The following NCAM2 variants were observed in gnomAD, a reference collection of about 807,000 sequenced individuals.
NCAM2 encodes neural cell adhesion molecule 2, also known as N-CAM-2.
In NCAM2, 30 loss-of-function variants were observed where a neutral mutation model predicts 98.1. The ratio of observed to expected loss-of-function variants is 0.31; its 90% CI spans 0.23 to 0.41. The LOEUF (loss-of-function observed/expected upper bound fraction) is 0.41, where lower values mean the gene tolerates loss of function less well. NCAM2 is among the 10% of genes least tolerant of loss of function. The probability of loss-of-function intolerance (pLI) is 1.00; values close to 1 mark genes in which losing one functional copy is unlikely to be tolerated. For synonymous variants in NCAM2, 368 were observed against 342.4 expected (o/e 1.07, Z -0.83); for missense variants, 867 against 1,005.8 (o/e 0.86, Z 1.87).
intron 12 of NCAM2, among the ~76,000 whole-genome samples, chr21:21,458,873 C>T (rs948158823): frequency 3.3e-5 from 5 of 151,998 alleles, no homozygotes; most frequent in East Asian, 1.9e-4. Context: ...GAAAAACTTC[C>T]GCACATAAAA....
At chr21:21,252,352 A>T (rs2071505626) in intron 1 of NCAM2, among the ~76,000 whole-genome samples, 1 of 150,580 alleles carries the variant, frequency 6.6e-6, no homozygotes, top group Non-Finnish European at 1.5e-5. Context: ...CTTAAAATAT[A>T]ATCTTTATTA....
chr21:21,099,524 A>G (rs2066194909), intron 1 of NCAM2, among the ~76,000 whole-genome samples: 1 of 151,906 alleles, frequency 6.6e-6, no homozygotes, highest in African/African-American at 2.4e-5. Flanking sequence ...AGCTCCTTAT[A>G]AAACCATCAG....
At chr21:21,347,190 C>T (rs1427704938) in intron 8 of NCAM2, among the ~76,000 whole-genome samples, 1 of 151,646 alleles carries the variant, frequency 6.6e-6, no homozygotes, top group Non-Finnish European at 1.5e-5. Context: ...ACATTACAAC[C>T]AATACTGATG....
intron 16 of NCAM2, among the ~76,000 whole-genome samples, chr21:21,520,146 T>C (rs1034755039): frequency 6.6e-6 from 1 of 152,142 alleles, no homozygotes; most frequent in African/African-American, 2.4e-5. Context: ...TAAGCATTAA[T>C]ATTAAAAATA....
At chr21:21,155,590 A>T (rs534867334) in intron 1 of NCAM2, among the ~76,000 whole-genome samples, 12 of 152,000 alleles carry the variant, frequency 7.9e-5, no homozygotes, top group African/African-American at 2.9e-4. Flanking sequence ...TTAATGTTAT[A>T]ATGTAATCTT....
rs552479814 is a variant in NCAM2, at chr21:21,539,587, T to A, written c.*1630T>A. Reference sequence around the variant, plus strand: ...AGCCAAGGAGAGAAAACTAAGTACTTTTATATAATTCATCACTTTTCTGGC... The same window carrying A: ...AGCCAAGGAGAGAAAACTAAGTACTATTATATAATTCATCACTTTTCTGGC... On this transcript the variant is annotated 3_prime_UTR_variant, in exon 18 of 18. Coordinates refer to ENST00000400546, the MANE Select transcript of NCAM2 (RefSeq NM_004540.5). The A allele has an allele frequency of 1.3e-5, 2 of 152,262 alleles. No individual in the cohort carries two copies. Among genetic ancestry groups the A allele is most frequent in the South Asian group, 4.1e-4 (2 of 4,826 alleles). 9.4% of individuals were successfully genotyped at this position (152,262 alleles called of 1,614,324 possible).
At chr21:21,072,987 C>T (rs2065604224) in intron 1 of NCAM2, among the ~76,000 whole-genome samples, 1 of 143,866 alleles carries the variant, frequency 7.0e-6, no homozygotes, top group Admixed American at 6.9e-5. Flanking sequence ...CAATTCCCTC[C>T]TACCTCCAGT....
At position 21,105,261 on chromosome 21, in the gene NCAM2, A is replaced by G. The variant is rs372438229; in HGVS notation, c.55+106643A>G. On this transcript the variant is annotated intron_variant, in intron 1 of 17. Transcript: ENST00000400546. ...ATAGTAGGATTTGAATGCTGTTTAA[A>G]TTAATGGGTAGTAATCTGAAATTAT... is the stretch of plus-strand genomic sequence containing the variant. 1.8e-4 allele frequency among the ~76,000 whole-genome samples: 27 copies of G among 152,286 alleles called. 1 individual carries two copies. The East Asian group carries it at 4.1e-3, about 23-fold the overall frequency.
At chr21:21,216,980 T>G (rs536125402) in intron 1 of NCAM2, among the ~76,000 whole-genome samples, 1 of 152,158 alleles carries the variant, frequency 6.6e-6, no homozygotes, top group Non-Finnish European at 1.5e-5. Flanking sequence ...GTGATTATCT[T>G]TGGCAATCAT....
At chr21:21,390,810 T>C (rs1298136846) in intron 9 of NCAM2, among the ~76,000 whole-genome samples, 1 of 152,228 alleles carries the variant, frequency 6.6e-6, no homozygotes, top group Admixed American at 6.5e-5. Flanking sequence ...AGGTATAATG[T>C]AAAATTGTGC....
chr21:21,203,607 C>G (rs947562940), intron 1 of NCAM2, among the ~76,000 whole-genome samples: 3 of 152,150 alleles, frequency 2.0e-5, no homozygotes, highest in South Asian at 4.1e-4. Context: ...GAATCTATTG[C>G]ATTTCCTAAT....
intron 1 of NCAM2, among the ~76,000 whole-genome samples, chr21:21,083,672 C>A (rs1184028005): frequency 1.3e-5 from 2 of 152,158 alleles, no homozygotes; most frequent in Non-Finnish European, 2.9e-5. Flanking sequence ...ACCCCGGCAT[C>A]CCAAATTGCT....
At chr21:21,145,433 G>T (rs1196040193) in intron 1 of NCAM2, among the ~76,000 whole-genome samples, 1 of 152,128 alleles carries the variant, frequency 6.6e-6, no homozygotes, top group Non-Finnish European at 1.5e-5. Flanking sequence ...TCACCACAAT[G>T]ATGATAACAA....
At chr21:21,063,244 G>A (rs1309285319) in intron 1 of NCAM2, among the ~76,000 whole-genome samples, 3 of 115,912 alleles carry the variant, frequency 2.6e-5, no homozygotes, top group African/African-American at 1.1e-4. Flanking sequence ...TTTTTGAGCC[G>A]GAGTCTCACT....
Position 21,538,050 on chromosome 21 carries a change from G to C in NCAM2, c.*93G>C. Reference sequence around the variant, plus strand: ...ACTATTCCATTGACCTTAATTTCTTGGGAAACTTCTAGCTTGGAATAGCTT... The same window carrying C: ...ACTATTCCATTGACCTTAATTTCTTCGGAAACTTCTAGCTTGGAATAGCTT... On this transcript the variant is annotated 3_prime_UTR_variant, in exon 18 of 18. Transcript: ENST00000400546. 1 of 641,674 alleles carries C rather than the reference G, an allele frequency of 1.6e-6. No homozygotes were observed. The highest frequency in any genetic ancestry group is 3.2e-5 in the South Asian group (1 of 31,552). The allele number at this position is 641,674 out of a possible 1,614,324, so 39.7% of individuals were successfully genotyped here.
At chr21:21,462,747 A>G (rs967582658) in intron 12 of NCAM2, among the ~76,000 whole-genome samples, 20 of 152,082 alleles carry the variant, frequency 1.3e-4, no homozygotes, top group African/African-American at 7.2e-5. Flanking sequence ...TAAATGATGT[A>G]GAAATATTAG....
At chr21:21,063,206 CATTCTTTTTTTTT>C (rs2065357351) in intron 1 of NCAM2, among the ~76,000 whole-genome samples, 1 of 121,650 alleles carries the variant, frequency 8.2e-6, no homozygotes, top group Non-Finnish European at 1.7e-5. Flanking sequence ...TTTATCTTTA[CATTCTTTTTTTTT>C]TTTTTTTTTT....
intron 12 of NCAM2, among the ~76,000 whole-genome samples, chr21:21,438,984 G>A (rs1414614905): frequency 6.6e-6 from 1 of 151,998 alleles, no homozygotes; most frequent in Non-Finnish European, 1.5e-5. Context: ...TACTCAGGAG[G>A]CTGAGGCAGA....
At chr21:21,034,149 A>C (rs930896036) in intron 1 of NCAM2, among the ~76,000 whole-genome samples, 2 of 152,132 alleles carry the variant, frequency 1.3e-5, no homozygotes, top group African/African-American at 4.8e-5. Context: ...AGAATAGGTC[A>C]GTTTGTTAAA....
Sources: gnomAD v4.1 joint callset for allele counts (sites outside exome capture counted in the v4.1 genomes callset) on GRCh38, gnomAD v4.1.1 for gene constraint, MANE v1.5 for transcripts, NCBI Gene and HGNC (gene_info 2026-07-23, HGNC 2026-07-21) for gene names.